NT5C2: variants seen among roughly 807,000 people sequenced by gnomAD.
The protein encoded by NT5C2 is 5'-nucleotidase, cytosolic II, also known as cytosolic purine 5'-nucleotidase.
A neutral mutation model predicts 76.1 loss-of-function variants in NT5C2; 58 were observed. That is an observed-to-expected ratio of 0.76 (90% CI 0.62 to 0.95). The LOEUF (loss-of-function observed/expected upper bound fraction) is 0.95. NT5C2 is among the 40% of genes least tolerant of loss of function. The pLI is 0.00. For synonymous variants in NT5C2, 229 were observed against 237.4 expected (o/e 0.96, Z 0.32); for missense variants, 478 against 690.3 (o/e 0.69, Z 3.45).
intron 4 of NT5C2, among the ~76,000 whole-genome samples, chr10:103,110,658 T>C (rs1444664017): frequency 6.6e-6 from 1 of 152,234 alleles, no homozygotes; most frequent in African/African-American, 2.4e-5. Flanking sequence ...GTCCAAGTTC[T>C]ACCCTGACAA....
intron 3 of NT5C2, among the ~76,000 whole-genome samples, chr10:103,154,502 G>C (rs1490278783): frequency 6.6e-6 from 1 of 152,192 alleles, no homozygotes; most frequent in Non-Finnish European, 1.5e-5. Flanking sequence ...GTAATGGAAA[G>C]AGAATGGGCA....
At chr10:103,090,151 A>T in intron 18 of NT5C2, 1 of 433,286 alleles carries the variant, frequency 2.3e-6, no homozygotes, top group Non-Finnish European at 4.1e-6. Flanking sequence ...TGGAGAGGGG[A>T]GTTTACTTTC....
Position 103,175,027 on chromosome 10 carries a change from G to A in NT5C2, c.-24-45C>T, listed in dbSNP as rs189895293. The A allele has an allele frequency of 4.4e-4, 466 of 1,064,104 alleles. 2 individuals carry two copies. In the African/African-American group the frequency reaches 5.1e-3, roughly 12 times the overall value. 65.9% of individuals were successfully genotyped at this position (1,064,104 alleles called of 1,614,324 possible). ...ATTTAGTAACTTAATATTGGCATCT[G>A]TATACTGACATCTGATTTTTTTAAA... On this transcript the variant is annotated intron_variant, in intron 2 of 18. Transcript: ENST00000404739.
chr10:103,178,954 C>CTTTTTTTTTTTTTTTTTTTTT (rs758982511), intron 2 of NT5C2, among the ~76,000 whole-genome samples: 1 of 128,482 alleles, frequency 7.8e-6, no homozygotes, highest in Non-Finnish European at 1.6e-5. Context: ...TTCTTTTTTT[C>CTTTTTTTTTTTTTTTTTTTTT]TTTTTTTTTT....
In NT5C2 at chr10:103,097,007, CAA is replaced by C. The variant is rs3215816; in HGVS notation, c.771+282_771+283del. 0.094 allele frequency among the ~76,000 whole-genome samples: 14,333 copies of C among 151,872 alleles called. 881 individuals are homozygous for C. The highest frequency in any genetic ancestry group is 0.28 in the East Asian group (1,431 of 5,164). ...GCTCAAGTTTATAGAAATGATGCTC[CAA>C]AGAGACACAAAAGCCATTTTAATCT... On this transcript the variant is annotated intron_variant, in intron 11 of 18. Coordinates refer to ENST00000404739, the MANE Select transcript of NT5C2 (RefSeq NM_001351169.2).
chr10:103,118,702 G>A lies in NT5C2; in HGVS notation c.176-11996C>T, dbSNP rs566444897. ...TTCACAAATCTCCTTTAGGGGTTGA[G>A]TCCTTATGATATATTCTGATTAGAT... On this transcript the variant is annotated intron_variant, in intron 4 of 18. Coordinates refer to ENST00000404739, the MANE Select transcript of NT5C2 (RefSeq NM_001351169.2). Among the ~76,000 whole-genome samples, 21 of 152,152 alleles carry A rather than the reference G, an allele frequency of 1.4e-4. No homozygotes were observed. In the South Asian group the frequency reaches 3.9e-3, roughly 29 times the overall value.
At chr10:103,117,555 G>A (rs2074638297) in intron 4 of NT5C2, among the ~76,000 whole-genome samples, 1 of 152,198 alleles carries the variant, frequency 6.6e-6, no homozygotes, top group African/African-American at 2.4e-5. Context: ...TTTGAGGTAA[G>A]AGGATCACTT....
At chr10:103,171,204 C>A (rs2087894719) in intron 3 of NT5C2, among the ~76,000 whole-genome samples, 1 of 152,136 alleles carries the variant, frequency 6.6e-6, no homozygotes. Flanking sequence ...GCAAATATCA[C>A]CAGCCTACTT....
At chr10:103,098,282 A>C in intron 10 of NT5C2, 2 of 274,998 alleles carry the variant, frequency 7.3e-6, no homozygotes, top group South Asian at 6.6e-5. Flanking sequence ...ACATTGGTAC[A>C]ATACTATTAA....
rs755555579 is a variant in NT5C2, at chr10:103,089,699, ATCATCATCTTCG to A, written c.1647_1658del (p.Asp551_Glu554del). Reference sequence around the variant, plus strand: ...ATTCTTCCTCCTCCTCCTCCTCTTCATCATCATCTTCGTCATGGCAGTGTGTAATTTCCTGGG... The same window carrying A: ...ATTCTTCCTCCTCCTCCTCCTCTTCATCATGGCAGTGTGTAATTTCCTGGG... On this transcript the variant is annotated inframe_deletion, in exon 19 of 19. Coordinates refer to ENST00000404739, the MANE Select transcript of NT5C2 (RefSeq NM_001351169.2). 2.5e-6 allele frequency: 4 copies of A among 1,609,900 alleles called. No individual in the cohort carries two copies. The highest frequency in any genetic ancestry group is 2.2e-5 in the East Asian group (1 of 44,820).
intron 15 of NT5C2, among the ~76,000 whole-genome samples, chr10:103,091,974 G>C (rs1269024155): frequency 1.3e-5 from 2 of 152,200 alleles, no homozygotes; most frequent in African/African-American, 4.8e-5. Flanking sequence ...ATTTTCAGAT[G>C]AAAGATTGAG....
rs550729365 is a variant in NT5C2, at chr10:103,089,987, G to T, written c.1450-79C>A. ...CCCCAAATCCTAACCCCTCTCCTCT[G>T]TTAGGTGGCCATGCAATTACATCTA... On this transcript the variant is annotated intron_variant, in intron 18 of 18. Coordinates refer to ENST00000404739, the MANE Select transcript of NT5C2 (RefSeq NM_001351169.2). The T allele has an allele frequency of 1.9e-4, 225 of 1,159,218 alleles. 2 individuals carry two copies. The South Asian group carries it at 2.5e-3, about 13-fold the overall frequency. 71.8% of individuals were successfully genotyped at this position (1,159,218 alleles called of 1,614,324 possible). A position where few individuals can be genotyped will look rare whatever the true frequency, so the allele number is the denominator to read the frequency against.
rs573134770 is a variant in NT5C2 at position 103,150,212 on chromosome 10, T to A, written c.102-10733A>T. ...TCCAAAAAATTCCTTCATGTTCTTT[T>A]GCAATACCCTCCCCAGCCCTTGGCC... On this transcript the variant is annotated intron_variant, in intron 3 of 18. Coordinates refer to ENST00000404739, the MANE Select transcript of NT5C2 (RefSeq NM_001351169.2). 3.5e-4 allele frequency among the ~76,000 whole-genome samples: 53 copies of A among 152,346 alleles called. No individual in the cohort carries two copies. The Middle Eastern group carries it at 0.01, about 29-fold the overall frequency.
chr10:103,154,655 C>T (rs1362508872), intron 3 of NT5C2, among the ~76,000 whole-genome samples: 5 of 152,164 alleles, frequency 3.3e-5, no homozygotes, highest in Non-Finnish European at 5.9e-5. Context: ...CACATGTAAG[C>T]GCTCCAAGAA....
At chr10:103,169,889 G>T (rs1205000843) in intron 3 of NT5C2, among the ~76,000 whole-genome samples, 1 of 152,154 alleles carries the variant, frequency 6.6e-6, no homozygotes, top group Non-Finnish European at 1.5e-5. Context: ...AACTTTGGGA[G>T]GCTGAGGCAG....
intron 4 of NT5C2, among the ~76,000 whole-genome samples, chr10:103,115,673 C>T (rs560232270): frequency 5.1e-4 from 77 of 152,180 alleles, no homozygotes; most frequent in African/African-American, 1.8e-3. Flanking sequence ...AGTATTACTG[C>T]AATTCAGAGA....
Position 103,094,368 on chromosome 10 carries a change from C to T in NT5C2, c.901G>A (p.Val301Ile), listed in dbSNP as rs1040981100. ...RKPLFFGEGT[V>I]LRQVDTKTGK... is the part of the protein sequence containing the mutation. ...CTTACAGTATCCACCTGACGCAGTACTGTGCCTTCTCCAAAAAAGAGTGGT... is the reference window on the plus strand; with the variant it reads ...CTTACAGTATCCACCTGACGCAGTATTGTGCCTTCTCCAAAAAAGAGTGGT... The change falls in exon 13 of 19, where the codon GTA becomes ATA. Residue 301 changes from valine (V) to isoleucine (I), a missense_variant. By Grantham distance (29) the Val-to-Ile change is conservative. Transcript: ENST00000404739. The T allele has an allele frequency of 6.2e-7, 1 of 1,608,548 alleles. No homozygotes were observed. The highest frequency in any genetic ancestry group is 8.5e-7 in the Non-Finnish European group (1 of 1,174,938).
At chr10:103,091,282 C>T (rs745621381) in intron 16 of NT5C2, among the ~76,000 whole-genome samples, 7 of 152,076 alleles carry the variant, frequency 4.6e-5, no homozygotes, top group Non-Finnish European at 1.0e-4. Context: ...TCAAGCAACC[C>T]GCCTGCCTTG....
At chr10:103,091,736 T>C in intron 15 of NT5C2, 121 bp from the exon 16 acceptor site, 1 of 769,782 alleles carries the variant, frequency 1.3e-6, no homozygotes, top group South Asian at 1.5e-5. Context: ...ACTAACATGC[T>C]GAGTGTACAG....
Sources: gnomAD v4.1 joint callset for allele counts (sites outside exome capture counted in the v4.1 genomes callset) on GRCh38, gnomAD v4.1.1 for gene constraint, MANE v1.5 for transcripts, NCBI Gene and HGNC (gene_info 2026-07-23, HGNC 2026-07-21) for gene names.